RALYL: variants seen among roughly 807,000 people sequenced by gnomAD.
The protein encoded by RALYL is RNA-binding Raly-like protein.
A neutral mutation model predicts 35.1 loss-of-function variants in RALYL; 29 were observed. That is an observed-to-expected ratio of 0.83 (90% CI 0.61 to 1.13). The LOEUF (loss-of-function observed/expected upper bound fraction) is 1.13, where lower values mean the gene tolerates loss of function less well. RALYL is among the 50% of genes most tolerant of loss of function. The probability of loss-of-function intolerance (pLI) is 0.00; values close to 1 mark genes in which losing one functional copy is unlikely to be tolerated. For synonymous variants in RALYL, 120 were observed against 127.6 expected, an observed-to-expected ratio of 0.94 and a Z score of 0.40; for missense variants, 359 against 360.4, an observed-to-expected ratio of 1.00 and a Z score of 0.03.
intron 2 of RALYL, among the ~76,000 whole-genome samples, chr8:84,735,264 T>G (rs1412316980): frequency 6.6e-6 from 1 of 151,884 alleles, no homozygotes; most frequent in Non-Finnish European, 1.5e-5. Flanking sequence ...CCACAGGACC[T>G]AAAACAGTGT....
At chr8:84,300,430 G>C (rs1208698160) in intron 1 of RALYL, among the ~76,000 whole-genome samples, 2 of 151,880 alleles carry the variant, frequency 1.3e-5, no homozygotes, top group Non-Finnish European at 2.9e-5. Context: ...TTTGATTGGA[G>C]AGTTTTATAG....
At chr8:84,425,101 T>C (rs907576286) in intron 1 of RALYL, among the ~76,000 whole-genome samples, 1 of 152,250 alleles carries the variant, frequency 6.6e-6, no homozygotes, top group African/African-American at 2.4e-5. Context: ...CCTAGCTGCT[T>C]TGTTTACCTA....
At chr8:84,280,982 T>G (rs185903554) in intron 1 of RALYL, among the ~76,000 whole-genome samples, 2,886 of 152,306 alleles carry the variant, frequency 0.019, 42 homozygotes, top group Non-Finnish European at 0.031. Flanking sequence ...GTTTTCACAC[T>G]TCAGTTTGCA....
intron 1 of RALYL, among the ~76,000 whole-genome samples, chr8:84,433,509 T>C (rs2132737468): frequency 6.6e-6 from 1 of 152,222 alleles, no homozygotes; most frequent in South Asian, 2.1e-4. Context: ...TTCCCACATG[T>C]TGCGGGAGAG....
intron 1 of RALYL, among the ~76,000 whole-genome samples, chr8:84,449,637 G>A (rs1251693487): frequency 6.6e-6 from 1 of 151,922 alleles, no homozygotes; most frequent in African/African-American, 2.4e-5. Flanking sequence ...TTGAAGCTAA[G>A]GTTCAGAGCC....
intron 1 of RALYL, chr8:84,185,172 C>A: frequency 1.3e-6 from 1 of 759,612 alleles, no homozygotes. Context: ...ATAAGATGAT[C>A]ACTTGGGTTT....
chr8:84,389,768 A>G (rs1179718018), intron 1 of RALYL, among the ~76,000 whole-genome samples: 9 of 150,018 alleles, frequency 6.0e-5, no homozygotes, highest in African/African-American at 2.0e-4. Context: ...TTTTCTAGAT[A>G]TACAATCATG....
chr8:84,720,828 A>G (rs547749597), intron 2 of RALYL, among the ~76,000 whole-genome samples: 9 of 152,248 alleles, frequency 5.9e-5, no homozygotes, highest in African/African-American at 1.9e-4. Flanking sequence ...TGAACAAAAG[A>G]TCTGAATAGA....
intron 2 of RALYL, among the ~76,000 whole-genome samples, chr8:84,634,200 A>G (rs1824534401): frequency 6.6e-6 from 1 of 151,846 alleles, no homozygotes. Context: ...CTCTAGTCAC[A>G]CGGATTTATG....
chr8:84,829,934 C>T (rs1482532667), intron 4 of RALYL, among the ~76,000 whole-genome samples: 1 of 149,168 alleles, frequency 6.7e-6, no homozygotes, highest in Non-Finnish European at 1.5e-5. Flanking sequence ...GCCAGCAGCA[C>T]AACTCATGCC....
intron 2 of RALYL, among the ~76,000 whole-genome samples, chr8:84,725,639 A>G (rs1226247352): frequency 6.6e-6 from 1 of 151,736 alleles, no homozygotes; most frequent in African/African-American, 2.4e-5. Context: ...CACATTAGGT[A>G]ATATACGTCT....
intron 4 of RALYL, among the ~76,000 whole-genome samples, chr8:84,805,060 C>T: frequency 6.6e-6 from 1 of 152,158 alleles, no homozygotes. Context: ...CAGTGATCAT[C>T]CATATTCTCT....
At chr8:84,914,801 A>G (rs1848178201) in intron 8 of RALYL, among the ~76,000 whole-genome samples, 1 of 152,056 alleles carries the variant, frequency 6.6e-6, no homozygotes, top group Non-Finnish European at 1.5e-5. Context: ...AGGGAAAAGC[A>G]GGTAGAAGTT....
At chr8:84,462,515 G>T (rs917937685) in intron 1 of RALYL, among the ~76,000 whole-genome samples, 1 of 148,472 alleles carries the variant, frequency 6.7e-6, no homozygotes, top group Non-Finnish European at 1.5e-5. Context: ...TCTTATAAGA[G>T]TTTTATACTT....
intron 4 of RALYL, among the ~76,000 whole-genome samples, chr8:84,807,390 C>T (rs1327822379): frequency 6.6e-6 from 1 of 152,136 alleles, no homozygotes. Flanking sequence ...TAAATATACA[C>T]CACAATTTCT....
chr8:84,380,854 T>C (rs914582004), intron 1 of RALYL, among the ~76,000 whole-genome samples: 1 of 151,884 alleles, frequency 6.6e-6, no homozygotes, highest in African/African-American at 2.4e-5. Context: ...GCATGATCTA[T>C]GCATTGAGAA....
chr8:84,400,817 T>C (rs2042817338), intron 1 of RALYL, among the ~76,000 whole-genome samples: 1 of 152,220 alleles, frequency 6.6e-6, no homozygotes, highest in South Asian at 2.1e-4. Context: ...GTAAGAGATT[T>C]TCATGTTCAT....
intron 2 of RALYL, among the ~76,000 whole-genome samples, chr8:84,732,519 C>G (rs1490648709): frequency 6.6e-6 from 1 of 151,432 alleles, no homozygotes; most frequent in Admixed American, 6.6e-5. Context: ...TCACAAAGAA[C>G]AAAACTAATG....
chr8:84,305,952 C>G (rs1442027502), intron 1 of RALYL, among the ~76,000 whole-genome samples: 1 of 152,126 alleles, frequency 6.6e-6, no homozygotes, highest in Non-Finnish European at 1.5e-5. Context: ...ATCATGAGGT[C>G]AGGAGATCAA....
Sources: gnomAD v4.1 joint callset for allele counts (sites outside exome capture counted in the v4.1 genomes callset) on GRCh38, gnomAD v4.1.1 for gene constraint, MANE v1.5 for transcripts, NCBI Gene and HGNC (gene_info 2026-07-23, HGNC 2026-07-21) for gene names.